C12orf56: variants seen among roughly 807,000 people sequenced by gnomAD.
C12orf56 encodes chromosome 12 open reading frame 56.
A neutral mutation model predicts 69.9 loss-of-function variants in C12orf56; 71 were observed. The observed-to-expected ratio is 1.02, with a 90% CI of 0.84 to 1.24. The LOEUF (loss-of-function observed/expected upper bound fraction) is 1.24, where lower values mean the gene tolerates loss of function less well. Ranked by LOEUF, C12orf56 falls within the 50% of genes most tolerant of loss-of-function variation. The pLI is 0.00. For synonymous variants in C12orf56, 276 were observed against 274.1 expected (o/e 1.01, Z -0.07); for missense variants, 732 against 738.5 (o/e 0.99, Z 0.10).
chr12:64,282,475 T>C (rs2038141948), intron 8 of C12orf56, among the ~76,000 whole-genome samples: 1 of 152,042 alleles, frequency 6.6e-6, no homozygotes, highest in Admixed American at 6.6e-5. Context: ...CCACTCCTGC[T>C]ACACAACATA....
chr12:64,376,954 G>T (rs1213972884), intron 1 of C12orf56, among the ~76,000 whole-genome samples: 1 of 151,724 alleles, frequency 6.6e-6, no homozygotes, highest in Non-Finnish European at 1.5e-5. Flanking sequence ...CTTCCACAAT[G>T]ATTCAATTAA....
rs543511508 is a variant in C12orf56 at position 64,286,114 on chromosome 12, T to C, written c.1114-54A>G. ...GTAATTAAGGTATCTGTTGTTAAAA[T>C]TCTCTACTCTCATGTACTAAAAATA... is the stretch of plus-strand genomic sequence containing the variant. On this transcript the variant is annotated intron_variant, in intron 6 of 12. Coordinates refer to ENST00000543942, the MANE Select transcript of C12orf56 (RefSeq NM_001170633.2). 13 of 1,108,282 alleles carry C rather than the reference T, an allele frequency of 1.2e-5. No homozygotes were observed. In the South Asian group the frequency reaches 1.7e-4, roughly 15 times the overall value. The allele number at this position is 1,108,282 out of a possible 1,614,324, so 68.7% of individuals were successfully genotyped here. A position where few individuals can be genotyped will look rare whatever the true frequency, so the allele number is the denominator to read the frequency against.
chr12:64,318,402 C>T (rs1335380364), intron 4 of C12orf56, among the ~76,000 whole-genome samples, 173 bp downstream of exon 4: 4 of 151,988 alleles, frequency 2.6e-5, no homozygotes, highest in South Asian at 2.1e-4. Context: ...CTATTGCAAT[C>T]GCCTAAATAA....
At chr12:64,358,035 T>C (rs2039343587) in intron 1 of C12orf56, among the ~76,000 whole-genome samples, 1 of 152,230 alleles carries the variant, frequency 6.6e-6, no homozygotes, top group South Asian at 2.1e-4. Context: ...GACATATTTG[T>C]GTATGTAAAA....
chr12:64,303,608 A>C, intron 6 of C12orf56, 27 bp downstream of exon 6: 1 of 1,483,464 alleles, frequency 6.7e-7, no homozygotes, highest in Non-Finnish European at 9.0e-7. Flanking sequence ...CAAACTTTAA[A>C]GATTAAAAAT....
chr12:64,340,409 A>G (rs1307797667), intron 2 of C12orf56, among the ~76,000 whole-genome samples: 1 of 152,146 alleles, frequency 6.6e-6, no homozygotes, highest in African/African-American at 2.4e-5. Flanking sequence ...ATTAACCATC[A>G]CAAGTCCACC....
At chr12:64,319,909 G>T (rs2038748193) in intron 3 of C12orf56, among the ~76,000 whole-genome samples, 1 of 152,128 alleles carries the variant, frequency 6.6e-6, no homozygotes, top group Non-Finnish European at 1.5e-5. Flanking sequence ...TCTTGCAACT[G>T]CACTGTCTTT....
chr12:64,339,372 A>G (rs559822094), intron 2 of C12orf56, among the ~76,000 whole-genome samples: 1 of 152,162 alleles, frequency 6.6e-6, no homozygotes, highest in East Asian at 1.9e-4. Flanking sequence ...ATTTCCTATT[A>G]CCAGTTTATT....
At chr12:64,297,007 T>C (rs1302350193) in intron 6 of C12orf56, among the ~76,000 whole-genome samples, 1 of 152,080 alleles carries the variant, frequency 6.6e-6, no homozygotes, top group Non-Finnish European at 1.5e-5. Context: ...TTCATATTCT[T>C]ATAAATTACC....
chr12:64,324,767 G>T (rs1280617585), intron 3 of C12orf56, among the ~76,000 whole-genome samples: 7 of 152,204 alleles, frequency 4.6e-5, no homozygotes, highest in African/African-American at 1.4e-4. Context: ...AGGCAGACAG[G>T]TACTGAGAAT....
intron 2 of C12orf56, among the ~76,000 whole-genome samples, chr12:64,349,301 A>G (rs1185473119): frequency 6.6e-6 from 1 of 152,262 alleles, no homozygotes; most frequent in Non-Finnish European, 1.5e-5. Flanking sequence ...AGGGAAAGCA[A>G]AACAAAACCA....
chr12:64,325,447 AGCCCC>A (rs1263351961), intron 3 of C12orf56, among the ~76,000 whole-genome samples: 1 of 152,200 alleles, frequency 6.6e-6, no homozygotes, highest in African/African-American at 2.4e-5. Context: ...AGTAAATTCA[AGCCCC>A]TACAGTCTAT....
At chr12:64,380,477 G>C (rs1313767667) in intron 1 of C12orf56, among the ~76,000 whole-genome samples, 1 of 152,190 alleles carries the variant, frequency 6.6e-6, no homozygotes, top group African/African-American at 2.4e-5. Flanking sequence ...GTGACACAGA[G>C]ATGAACAAGA....
intron 6 of C12orf56, among the ~76,000 whole-genome samples, chr12:64,294,851 A>G (rs984240650): frequency 2.6e-5 from 4 of 151,904 alleles, no homozygotes; most frequent in Non-Finnish European, 5.9e-5. Context: ...TGTGTTATGT[A>G]TATTTTGCCA....
rs2038732035 is a variant in C12orf56, at chr12:64,318,978, T to C, written c.491A>G (p.Asp164Gly). 1 of 1,473,720 alleles carries C rather than the reference T, an allele frequency of 6.8e-7. No homozygotes were observed. The highest frequency in any genetic ancestry group is 1.4e-5 in the South Asian group (1 of 74,000). 91.3% of individuals were successfully genotyped at this position (1,473,720 alleles called of 1,614,324 possible). A position where few individuals can be genotyped will look rare whatever the true frequency, so the allele number is the denominator to read the frequency against. ...GGATGGTGTACTGCTCTCCTGCTGGTCCCTGTCAGGTAGAATTTAGTATTA... is the reference window on the plus strand; with the variant it reads ...GGATGGTGTACTGCTCTCCTGCTGGCCCCTGTCAGGTAGAATTTAGTATTA... Reference protein sequence around the residue: ...SRSLKESPLRDQQESSTPSKD... With the variant: ...SRSLKESPLRGQQESSTPSKD... Residue 164 changes from aspartate (D) to glycine (G), a missense_variant and splice_region_variant, in exon 4 of 13, where the codon GAC (aspartate) becomes GGC (glycine). Asp to Gly is a moderately conservative substitution (Grantham distance 94, BLOSUM62 -1). Transcript: ENST00000543942.
chr12:64,318,675 G>C lies in C12orf56; in HGVS notation c.794C>G (p.Ser265Ter). 1.3e-6 allele frequency: 2 copies of C among 1,537,020 alleles called. No individual in the cohort carries two copies. Among genetic ancestry groups the C allele is most frequent in the Non-Finnish European group, 1.7e-6 (2 of 1,146,734 alleles). The stretch of plus-strand genomic sequence containing the variant: ...TTCTGACTCCTTTTTCTCTAAATTT[G>C]AGTTGCTCTGTGAAGGGGAATCTAA... ...SLLDSPSQSN[S>*]NLEKKESELH... Residue 265 changes from serine to a stop codon, truncating the protein, a stop_gained, in exon 4 of 13, where the codon TCA becomes TGA. Coordinates refer to ENST00000543942, the MANE Select transcript of C12orf56 (RefSeq NM_001170633.2). LOFTEE classifies it high-confidence loss of function.
rs762817479 is a variant in C12orf56, at chr12:64,277,724, A to G, written c.1390T>C (p.Leu464=). ...CTGACTAAAGCTGAATCAGCCACCA[A>G]CTGGATATCAAACACAGGACAAGAT... is the stretch of plus-strand genomic sequence containing the variant. ...PKSCPVFDIQ[L]VADSALVRMS... is the part of the protein sequence containing the mutation. Residue 464 remains leucine (L), a synonymous_variant, in exon 9 of 13, where the codon TTG becomes CTG. Transcript: ENST00000543942. 5 of 1,601,052 alleles carry G rather than the reference A, an allele frequency of 3.1e-6. No individual in the cohort carries two copies. Among genetic ancestry groups the G allele is most frequent in the African/African-American group, 1.3e-5 (1 of 74,736 alleles).
intron 5 of C12orf56, among the ~76,000 whole-genome samples, chr12:64,304,675 G>A (rs570227631): frequency 6.6e-6 from 1 of 152,278 alleles, no homozygotes; most frequent in East Asian, 1.9e-4. Flanking sequence ...CTCCCACTGT[G>A]CTCAGTAATA....
rs1031280135 is a variant in C12orf56 at position 64,277,909 on chromosome 12, C to A, written c.1311-106G>T. 16 of 857,432 alleles carry A rather than the reference C, an allele frequency of 1.9e-5. No homozygotes were observed. The African/African-American group carries it at 2.6e-4, about 14-fold the overall frequency. The allele number at this position is 857,432 out of a possible 1,614,324, so 53.1% of individuals were successfully genotyped here. ...TATAATTATGTTTAAAAGAATGAAGCATTGCAGACCATCCTTGACTGAAGT... is the reference window on the plus strand; with the variant it reads ...TATAATTATGTTTAAAAGAATGAAGAATTGCAGACCATCCTTGACTGAAGT... On this transcript the variant is annotated intron_variant, in intron 8 of 12. Transcript: ENST00000543942.
Sources: allele counts gnomAD v4.1 joint callset (sites outside exome capture counted in the v4.1 genomes callset), GRCh38; gene constraint gnomAD v4.1.1; transcripts MANE v1.5; gene names NCBI Gene and HGNC (gene_info 2026-07-23, HGNC 2026-07-21).